Variants in NLRP2 observed in about 807,000 individuals in gnomAD.
NLRP2 encodes NLR family pyrin domain containing 2, also known as NACHT, LRR and PYD domains-containing protein 2.
In NLRP2, 107 loss-of-function variants were observed where a neutral mutation model predicts 97.2. The ratio of observed to expected loss-of-function variants is 1.10; its 90% confidence interval spans 0.94 to 1.29. NLRP2 has a LOEUF of 1.29. Among genes scored for constraint, NLRP2 ranks in the 50% most tolerant of loss-of-function variants. The probability of loss-of-function intolerance (pLI) is 0.00; values close to 1 mark genes in which losing one functional copy is unlikely to be tolerated. For synonymous variants in NLRP2, 663 were observed against 551.5 expected, an observed-to-expected ratio of 1.20 and a Z score of -2.83; for missense variants, 1,495 against 1,330.3, an observed-to-expected ratio of 1.12 and a Z score of -1.93.
At chr19:55,000,012 C>T (rs1216492979) in intron 12 of NLRP2, among the ~76,000 whole-genome samples, 3 of 152,086 alleles carry the variant, frequency 2.0e-5, no homozygotes, top group Non-Finnish European at 4.4e-5. Flanking sequence ...GCTGGCATTA[C>T]AGGCATGACC....
At chr19:54,981,576 C>G (rs780240991) in intron 4 of NLRP2, 41 bp from the exon 5 acceptor site, 1 of 961,908 alleles carries the variant, frequency 1.0e-6, no homozygotes, top group Non-Finnish European at 1.5e-6. Context: ...AGGAAATACA[C>G]CTGATTTTGT....
chr19:54,991,418 T>G (rs373597888), intron 10 of NLRP2: 1 of 152,140 alleles, frequency 6.6e-6, no homozygotes, highest in Non-Finnish European at 1.5e-5. Context: ...TCACGCATGG[T>G]GGGACATGCC....
At chr19:54,982,076 C>T in intron 5 of NLRP2, 86 bp from the exon 6 acceptor site, 1 of 1,557,602 alleles carries the variant, frequency 6.4e-7, no homozygotes, top group Non-Finnish European at 8.8e-7. Flanking sequence ...CTGTGCCCGG[C>T]CAACACAAGG....
At chr19:54,973,260 CTT>C (rs2070984263) in intron 2 of NLRP2, among the ~76,000 whole-genome samples, 1 of 146,242 alleles carries the variant, frequency 6.8e-6, no homozygotes, top group Non-Finnish European at 1.5e-5. Flanking sequence ...GAACTCCTAT[CTT>C]TTTATTTAAA....
At chr19:54,985,677 CAAAAAAAAAAAA>C (rs113852885) in intron 7 of NLRP2, among the ~76,000 whole-genome samples, 4 of 68,016 alleles carry the variant, frequency 5.9e-5, no homozygotes, top group African/African-American at 1.8e-4. Flanking sequence ...GACTGCGTCT[CAAAAAAAAAAAA>C]AAAAAAAAAG....
chr19:54,997,065 G>A (rs543933562), intron 11 of NLRP2, among the ~76,000 whole-genome samples: 20 of 152,180 alleles, frequency 1.3e-4, no homozygotes, highest in East Asian at 9.7e-4. Flanking sequence ...CTGTCACCAC[G>A]CCCAGCTAAC....
chr19:54,977,802 C>T lies in NLRP2; in HGVS notation c.376C>T (p.Arg126Cys), dbSNP rs778681431. ...TCTAGACGTGGACGAAATGCTGGAGCGCTTCAAAACAGAAGCACAAGGTGG... is the reference window on the plus strand; with the variant it reads ...TCTAGACGTGGACGAAATGCTGGAGTGCTTCAAAACAGAAGCACAAGGTGG... ...PPLDVDEMLE[R>C]FKTEAQAFTE... Residue 126 changes from arginine to cysteine, a missense_variant, in exon 4 of 13, where the codon CGC becomes TGC. Physicochemically the swap from Arg to Cys is radical, Grantham distance 180. Coordinates refer to ENST00000448584, the MANE Select transcript of NLRP2 (RefSeq NM_017852.5). 1.7e-5 allele frequency: 28 copies of T among 1,613,646 alleles called. No individual in the cohort carries two copies. Among genetic ancestry groups the T allele is most frequent in the Middle Eastern group, 3.3e-4 (2 of 6,084 alleles).
At chr19:54,973,929 A>T in intron 2 of NLRP2, 2 of 784,124 alleles carry the variant, frequency 2.6e-6, no homozygotes, top group Non-Finnish European at 4.5e-6. Context: ...AAGTAGTGTT[A>T]TGACAGGAAG....
chr19:54,992,902 G>A (rs969687012), intron 10 of NLRP2, among the ~76,000 whole-genome samples: 2 of 151,928 alleles, frequency 1.3e-5, no homozygotes, highest in Admixed American at 6.6e-5. Flanking sequence ...TTGCTAAGTT[G>A]TCAACTTCCC....
Position 54,994,439 on chromosome 19 carries a change from G to A in NLRP2, c.2879G>A (p.Trp960Ter), listed in dbSNP as rs753311022. Residue 960 changes from tryptophan to a stop codon, truncating the protein, a stop_gained and splice_region_variant, in exon 11 of 13, where the codon TGG becomes TAG. Transcript: ENST00000448584. LOFTEE classifies it high-confidence loss of function. ...RKPLCNLRCLWLWGCSIPPFS... is the reference protein window; with the variant it reads ...RKPLCNLRCL ...CCACTGTGCAACTTGAGATGTCTGTGGTGAGTTAACTTATAAGTTCAACTT... is the reference window on the plus strand; with the variant it reads ...CCACTGTGCAACTTGAGATGTCTGTAGTGAGTTAACTTATAAGTTCAACTT... 5 of 1,612,388 alleles carry A rather than the reference G, an allele frequency of 3.1e-6. No homozygotes were observed. In the East Asian group the frequency reaches 8.9e-5, roughly 29 times the overall value.
Position 54,990,511 on chromosome 19 carries a change from CTG to C in NLRP2, c.2549_2550del (p.Cys850SerfsTer40), listed in dbSNP as rs1568524575. The C allele has an allele frequency of 1.9e-6, 3 of 1,614,176 alleles. No homozygotes were observed. The highest frequency in any genetic ancestry group is 2.5e-6 in the Non-Finnish European group (3 of 1,180,024). On this transcript the variant is annotated frameshift_variant, in exon 10 of 13. Transcript: ENST00000448584. LOFTEE classifies it high-confidence loss of function. ...TGTGATTCTTTTGTAGGTTGGAAAA[CTG>C]TCACCTTACAGAAGCCAATTGCAAG... Reference protein sequence around the residue: ...CFLQRLSLENCHLTEANCKDL... With the variant: ...CFLQRLSLENXHLTEANCKDL...
chr19:54,976,928 C>G (rs2071277353), intron 3 of NLRP2: 1 of 390,164 alleles, frequency 2.6e-6, no homozygotes, highest in Admixed American at 3.4e-5. Flanking sequence ...AATTCCCTTG[C>G]CTCAGCCTCG....
chr19:54,995,216 G>A (rs1416357862), intron 11 of NLRP2, among the ~76,000 whole-genome samples: 5 of 104,676 alleles, frequency 4.8e-5, no homozygotes, highest in Middle Eastern at 6.4e-3. Flanking sequence ...TTTTGAGATA[G>A]TTTCACTCTT....
At position 54,982,487 on chromosome 19, in the gene NLRP2, C is replaced by G; in HGVS notation, c.789C>G (p.Phe263Leu). The G allele has an allele frequency of 6.2e-7, 1 of 1,614,222 alleles. No homozygotes were observed. Among genetic ancestry groups the G allele is most frequent in the Non-Finnish European group, 8.5e-7 (1 of 1,180,038 alleles). ...LGPCSFAELVFRDWPELQDDI... is the reference protein window; with the variant it reads ...LGPCSFAELVLRDWPELQDDI... ...CGTGCAGTTTTGCAGAGCTGGTCTT[C>G]AGGGACTGGCCTGAATTGCAGGATG... Residue 263 changes from phenylalanine (F) to leucine (L), a missense_variant, in exon 6 of 13, where the codon TTC becomes TTG. By Grantham distance (22) the Phe-to-Leu change is conservative. Transcript: ENST00000448584.
chr19:54,987,965 A>G (rs920820382), intron 8 of NLRP2, among the ~76,000 whole-genome samples: 10 of 152,006 alleles, frequency 6.6e-5, no homozygotes, highest in African/African-American at 2.4e-4. Flanking sequence ...AATTGCTTGA[A>G]CCTAGGAGGC....
At chr19:54,968,713 TGAGACA>T (rs2070645973) in intron 1 of NLRP2, among the ~76,000 whole-genome samples, 2 of 135,654 alleles carry the variant, frequency 1.5e-5, no homozygotes, top group African/African-American at 5.4e-5. Context: ...TTTTTTTTTT[TGAGACA>T]GTTTCACTCT....
intron 12 of NLRP2, 34 bp from the exon 13 acceptor site, chr19:55,000,726 C>CA: frequency 6.2e-7 from 1 of 1,610,952 alleles, no homozygotes; most frequent in South Asian, 1.1e-5. Context: ...CCTTGATGCA[C>CA]AAAGTAACCT....
intron 11 of NLRP2, 79 bp from the exon 12 acceptor site, chr19:54,997,238 C>G (rs943255196): frequency 6.9e-7 from 1 of 1,444,092 alleles, no homozygotes; most frequent in African/African-American, 1.4e-5. Flanking sequence ...ATCCCCAACA[C>G]ACGAGGGTGG....
Position 54,986,205 on chromosome 19 carries a change from A to T in NLRP2, c.2256A>T (p.Arg752=), listed in dbSNP as rs778025143. ...DAHRNLCLAL[R]GHKTVTYLTL... The stretch of plus-strand genomic sequence containing the variant: ...ATCGGAACCTCTGCCTAGCTCTTCG[A>T]GGTCACAAGACTGTAACGTATCTGA... The change falls in exon 8 of 13, where the codon CGA becomes CGT. Residue 752 remains arginine (R), a synonymous_variant. Coordinates refer to ENST00000448584, the MANE Select transcript of NLRP2 (RefSeq NM_017852.5). 3.7e-6 allele frequency: 6 copies of T among 1,613,192 alleles called. No individual in the cohort carries two copies. The highest frequency in any genetic ancestry group is 5.1e-6 in the Non-Finnish European group (6 of 1,179,150).
Sources: gnomAD v4.1 joint callset for allele counts (sites outside exome capture counted in the v4.1 genomes callset) on GRCh38, gnomAD v4.1.1 for gene constraint, MANE v1.5 for transcripts, NCBI Gene and HGNC (gene_info 2026-07-23, HGNC 2026-07-21) for gene names.